Variants in ABCA12 observed in about 807,000 individuals in gnomAD.
ABCA12 encodes the protein ATP binding cassette subfamily A member 12.
ABCA12 carries 156 observed loss-of-function variants against 293.5 expected under a neutral mutation model. That is an observed-to-expected ratio of 0.53 (90% confidence interval 0.47 to 0.61). ABCA12 has a LOEUF of 0.61. Among genes scored for constraint, ABCA12 ranks in the 20% least tolerant of loss-of-function variants. The probability of loss-of-function intolerance (pLI) is 0.00; values close to 1 mark genes in which losing one functional copy is unlikely to be tolerated. For synonymous variants in ABCA12, 1,063 were observed against 1,108.0 expected (o/e 0.96, Z 0.81); for missense variants, 2,797 against 3,090.2 (o/e 0.91, Z 2.25).
In ABCA12 at chr2:215,004,224, G is replaced by C. The variant is rs1281582799; in HGVS notation, c.2668C>G (p.Gln890Glu). The C allele has an allele frequency of 6.2e-7, 1 of 1,613,716 alleles. No individual in the cohort carries two copies. Among genetic ancestry groups the C allele is most frequent in the East Asian group, 2.2e-5 (1 of 44,870 alleles). Residue 890 changes from glutamine (Q) to glutamate (E), a missense_variant, in exon 20 of 53, where the codon CAG becomes GAG. Physicochemically the swap from Gln to Glu is conservative, Grantham distance 29. This residue lies in a region of ABCA12 where 2,130 missense variants were observed against 2,427.0 expected (regional missense o/e 0.88). Transcript: ENST00000272895. ...TTGGACTCACCGAGTTCATCTATCT[G>C]TTTCAATAGTTCAACAGCATCGAGT... is the stretch of plus-strand genomic sequence containing the variant. ...VGLDAVELLK[Q>E]IDELDILRLK...
At chr2:215,000,558 A>G in intron 22 of ABCA12, 147 bp downstream of exon 22, 1 of 830,588 alleles carries the variant, frequency 1.2e-6, no homozygotes. Flanking sequence ...GCTATGCCCT[A>G]TAGTGTGAAC....
chr2:215,080,444 A>C (rs1457485539), intron 2 of ABCA12, among the ~76,000 whole-genome samples: 1 of 152,108 alleles, frequency 6.6e-6, no homozygotes, highest in Non-Finnish European at 1.5e-5. Context: ...CGGAGGTTGC[A>C]GTAAGCTGAG....
At chr2:215,052,786 C>G (rs1204926047) in intron 4 of ABCA12, among the ~76,000 whole-genome samples, 1 of 152,068 alleles carries the variant, frequency 6.6e-6, no homozygotes, top group Non-Finnish European at 1.5e-5. Flanking sequence ...ATTGTGATGA[C>G]TTTGGTCTGT....
intron 4 of ABCA12, 146 bp downstream of exon 4, chr2:215,054,427 G>T: frequency 1.4e-6 from 1 of 700,502 alleles, no homozygotes; most frequent in Non-Finnish European, 2.5e-6. Flanking sequence ...CCATACTCAG[G>T]CAACCATGAG....
intron 2 of ABCA12, among the ~76,000 whole-genome samples, chr2:215,103,137 T>A (rs1245786809): frequency 6.6e-6 from 1 of 152,196 alleles, no homozygotes; most frequent in Non-Finnish European, 1.5e-5. Context: ...TGCTCTCTTA[T>A]AGGCTTGATT....
chr2:214,992,718 C>T (rs963598697), intron 23 of ABCA12, among the ~76,000 whole-genome samples: 17 of 150,808 alleles, frequency 1.1e-4, no homozygotes, highest in African/African-American at 3.9e-4. Flanking sequence ...AAAAATTAGC[C>T]GGGCATGGTG....
intron 2 of ABCA12, among the ~76,000 whole-genome samples, chr2:215,070,118 C>T (rs542723760): frequency 5.9e-4 from 90 of 151,914 alleles, no homozygotes; most frequent in African/African-American, 2.1e-3. Context: ...GTTATATTCA[C>T]ATGCCTTGTA....
chr2:215,008,664 G>A (rs1049777841), intron 18 of ABCA12, among the ~76,000 whole-genome samples: 3 of 151,932 alleles, frequency 2.0e-5, no homozygotes, highest in African/African-American at 7.3e-5. Context: ...AATCTATAAA[G>A]GATTGGAGTA....
At position 214,955,228 on chromosome 2, in the gene ABCA12, G is replaced by T. The variant is rs746428433; in HGVS notation, c.6367C>A (p.Leu2123Ile). The T allele has an allele frequency of 1.2e-6, 2 of 1,614,100 alleles. No individual in the cohort carries two copies. Among genetic ancestry groups the T allele is most frequent in the Admixed American group, 3.3e-5 (2 of 60,022 alleles). The part of the protein sequence containing the change: ...SIVSLSVVYF[L>I]SKEKPNDPTL... ...GGATCATTAGGCTTTTCCTTGGAAA[G>T]AAAGTATACCACTGACAGGGAAACA... is the stretch of plus-strand genomic sequence containing the variant. The change falls in exon 43 of 53, where the codon CTT (leucine) becomes ATT (isoleucine). Residue 2123 changes from leucine (L) to isoleucine (I), a missense_variant. This residue lies in a region of ABCA12 where 2,130 missense variants were observed against 2,427.0 expected (regional missense o/e 0.88). Coordinates refer to ENST00000272895, the MANE Select transcript of ABCA12 (RefSeq NM_173076.3).
chr2:215,006,803 T>C (rs567206283), intron 19 of ABCA12, among the ~76,000 whole-genome samples: 2 of 151,992 alleles, frequency 1.3e-5, no homozygotes, highest in African/African-American at 4.8e-5. Flanking sequence ...CATCTTCAGT[T>C]GCCAATATCT....
intron 2 of ABCA12, among the ~76,000 whole-genome samples, chr2:215,099,518 C>T (rs570426375): frequency 7.9e-5 from 12 of 152,196 alleles, no homozygotes; most frequent in African/African-American, 2.9e-4. Flanking sequence ...CATGGTGAAA[C>T]CCCGTCTCTA....
chr2:214,984,008 A>G (rs1574961970), intron 28 of ABCA12, 143 bp from the exon 29 acceptor site: 3 of 664,396 alleles, frequency 4.5e-6, no homozygotes, highest in East Asian at 5.5e-5. Flanking sequence ...ATGGTATTTA[A>G]TGGGAATAAG....
intron 1 of ABCA12, among the ~76,000 whole-genome samples, chr2:215,124,681 T>A (rs753311406): frequency 5.9e-5 from 9 of 152,192 alleles, no homozygotes; most frequent in Non-Finnish European, 1.3e-4. Flanking sequence ...TCAATTTGAG[T>A]TCATTGTAGA....
chr2:215,012,885 A>T (rs568617377), intron 15 of ABCA12, among the ~76,000 whole-genome samples: 3 of 152,332 alleles, frequency 2.0e-5, no homozygotes, highest in African/African-American at 7.2e-5. Context: ...CTATTGCTCA[A>T]AAATGATATA....
At position 214,968,707 on chromosome 2, in the gene ABCA12, G is replaced by A. The variant is rs1430323503; in HGVS notation, c.5778+13C>T. ...CATTTGTATAACATTCCAGAAAAAAGATCAAAATTTACCTTGGCAAGTGTT... is the reference window on the plus strand; with the variant it reads ...CATTTGTATAACATTCCAGAAAAAAAATCAAAATTTACCTTGGCAAGTGTT... On this transcript the variant is annotated intron_variant, in intron 38 of 52. Coordinates refer to ENST00000272895, the MANE Select transcript of ABCA12 (RefSeq NM_173076.3). 4.3e-6 allele frequency: 7 copies of A among 1,611,550 alleles called. No homozygotes were observed. Among genetic ancestry groups the A allele is most frequent in the Non-Finnish European group, 5.9e-6 (7 of 1,177,960 alleles).
chr2:215,004,433 C>T (rs1700211468), intron 19 of ABCA12, 134 bp from the exon 20 acceptor site: 16 of 672,152 alleles, frequency 2.4e-5, no homozygotes, highest in Non-Finnish European at 4.1e-5. Context: ...CAAAGGCTCA[C>T]AGAGAAATCC....
At chr2:214,981,846 C>A (rs1207382296) in intron 30 of ABCA12, among the ~76,000 whole-genome samples, 2 of 147,040 alleles carry the variant, frequency 1.4e-5, no homozygotes, top group African/African-American at 5.0e-5. Flanking sequence ...ACTTACTGCA[C>A]CCCTGCACCC....
In ABCA12 at chr2:215,064,082, C is replaced by T; in HGVS notation, c.301G>A (p.Ala101Thr). The change falls in exon 3 of 53, where the codon GCA becomes ACA. Residue 101 changes from alanine (A) to threonine (T), a missense_variant. Physicochemically the swap from Ala to Thr is moderately conservative, Grantham distance 58. Transcript: ENST00000272895. ...TGCCCCCACCTGTCTTTAAATAGTG[C>T]ATCATCAATTCCTTTCCTACGAAGC... ...DLLRRKGIDD[A>T]LFKDSEILRK... The T allele has an allele frequency of 6.2e-7, 1 of 1,612,772 alleles. No individual in the cohort carries two copies. The highest frequency in any genetic ancestry group is 8.5e-7 in the Non-Finnish European group (1 of 1,179,086).
At position 214,978,337 on chromosome 2, in the gene ABCA12, T is replaced by A; in HGVS notation, c.5107A>T (p.Ser1703Cys). Residue 1703 changes from serine to cysteine, a missense_variant, in exon 33 of 53, where the codon AGC (serine) becomes TGC (cysteine). This residue lies in a region of ABCA12 where 2,130 missense variants were observed against 2,427.0 expected (regional missense o/e 0.88). Transcript: ENST00000272895. ...ATACCATCTCTGTCTGTGAAATTGCTGCTGCTCACAGATAAATCGTCAGGA... is the reference window on the plus strand; with the variant it reads ...ATACCATCTCTGTCTGTGAAATTGCAGCTGCTCACAGATAAATCGTCAGGA... ...STPDDLSVSSSNFTDRDDKIL... is the reference protein window; with the variant it reads ...STPDDLSVSSCNFTDRDDKIL... 1 of 1,614,092 alleles carries A rather than the reference T, an allele frequency of 6.2e-7. No homozygotes were observed. The highest frequency in any genetic ancestry group is 8.5e-7 in the Non-Finnish European group (1 of 1,179,962).
Sources: gnomAD v4.1 joint callset for allele counts (sites outside exome capture counted in the v4.1 genomes callset) on GRCh38, gnomAD v4.1.1 for gene constraint, gnomAD v4.1.1 regional missense constraint, MANE v1.5 for transcripts, NCBI Gene and HGNC (gene_info 2026-07-23, HGNC 2026-07-21) for gene names.